BICD1: variants seen among roughly 807,000 people sequenced by gnomAD.
The protein encoded by BICD1 is BICD cargo adaptor 1.
BICD1 carries 35 observed loss-of-function variants against 92.5 expected under a neutral mutation model. That is an observed-to-expected ratio of 0.38 (90% CI 0.29 to 0.50). The LOEUF (loss-of-function observed/expected upper bound fraction) is 0.50. Among genes scored for constraint, BICD1 ranks in the 20% least tolerant of loss-of-function variants. The probability of loss-of-function intolerance (pLI) is 0.93; values close to 1 mark genes in which losing one functional copy is unlikely to be tolerated. For synonymous variants in BICD1, 429 were observed against 465.1 expected, an observed-to-expected ratio of 0.92 and a Z score of 1.00; for missense variants, 950 against 1,189.8, an observed-to-expected ratio of 0.80 and a Z score of 2.97.
intron 2 of BICD1, among the ~76,000 whole-genome samples, chr12:32,275,833 G>A (rs1304937116): frequency 2.6e-5 from 4 of 152,090 alleles, no homozygotes; most frequent in South Asian, 2.1e-4. Flanking sequence ...CGTCCTAATC[G>A]AGCTGAACAC....
In BICD1 at chr12:32,338,998, G is replaced by A. The variant is rs2136283033; in HGVS notation, c.2764+19G>A. The A allele has an allele frequency of 6.3e-7, 1 of 1,576,228 alleles. No homozygotes were observed. Among genetic ancestry groups the A allele is most frequent in the East Asian group, 2.3e-5 (1 of 42,562 alleles). ...CCACCAGGTAAACATTTTTTCCTTG[G>A]GTGCATGTGATGCAAATGATTAGTT... On this transcript the variant is annotated intron_variant, in intron 8 of 9. Transcript: ENST00000652176.
At chr12:32,352,595 C>T (rs1401902380) in intron 8 of BICD1, 1 of 152,154 alleles carries the variant, frequency 6.6e-6, no homozygotes, top group Non-Finnish European at 1.5e-5. Flanking sequence ...GTCATCTAGT[C>T]CATTCTTTTG....
At chr12:32,290,524 T>C (rs1369751612) in intron 2 of BICD1, among the ~76,000 whole-genome samples, 1 of 152,246 alleles carries the variant, frequency 6.6e-6, no homozygotes, top group Non-Finnish European at 1.5e-5. Flanking sequence ...AGTCATGCTC[T>C]GCTAATGTCT....
chr12:32,242,925 T>C (rs1481009040), intron 2 of BICD1, among the ~76,000 whole-genome samples: 1 of 152,154 alleles, frequency 6.6e-6, no homozygotes, highest in African/African-American at 2.4e-5. Context: ...TCTTGTTAGC[T>C]ATTAAGTGGG....
chr12:32,305,485 A>G (rs2136217620), intron 3 of BICD1, among the ~76,000 whole-genome samples: 1 of 151,406 alleles, frequency 6.6e-6, no homozygotes, highest in South Asian at 2.1e-4. Flanking sequence ...TTATATCACT[A>G]TAATACCTAA....
chr12:32,366,009 A>G (rs966463724), intron 8 of BICD1, among the ~76,000 whole-genome samples: 2 of 152,228 alleles, frequency 1.3e-5, no homozygotes, highest in African/African-American at 4.8e-5. Flanking sequence ...AAGATGCGCT[A>G]ATTAATAAGA....
intron 1 of BICD1, among the ~76,000 whole-genome samples, chr12:32,180,900 T>A (rs886921338): frequency 4.6e-5 from 7 of 151,996 alleles, no homozygotes; most frequent in African/African-American, 1.2e-4. Context: ...AACAGTTTGT[T>A]ACTGCTCTTT....
At chr12:32,139,594 C>T (rs1353387233) in intron 1 of BICD1, among the ~76,000 whole-genome samples, 1 of 152,334 alleles carries the variant, frequency 6.6e-6, no homozygotes, top group Non-Finnish European at 1.5e-5. Flanking sequence ...GACGGAGTCT[C>T]GCTCTGTCGC....
chr12:32,173,054 T>G (rs1287062664), intron 1 of BICD1, among the ~76,000 whole-genome samples: 2 of 140,900 alleles, frequency 1.4e-5, no homozygotes, highest in African/African-American at 2.4e-5. Context: ...AGTTTTTTTT[T>G]TTGTTTTTTT....
At chr12:32,107,942 G>C (rs75321778) in intron 1 of BICD1, 42,761 of 516,936 alleles carry the variant, frequency 0.083, 2,401 homozygotes, top group African/African-American at 0.19. Context: ...TGTGCCTGAG[G>C]ACCCACAATT....
intron 1 of BICD1, among the ~76,000 whole-genome samples, chr12:32,123,855 C>T (rs1942238575): frequency 6.7e-6 from 1 of 150,136 alleles, no homozygotes; most frequent in East Asian, 2.0e-4. Flanking sequence ...CCATCCTGGG[C>T]GACAGAGCAA....
chr12:32,377,762 C>A lies in BICD1; in HGVS notation c.*135C>A. The A allele has an allele frequency of 1.3e-6, 1 of 762,820 alleles. No homozygotes were observed. Among genetic ancestry groups the A allele is most frequent in the East Asian group, 2.7e-5 (1 of 36,938 alleles). The allele number at this position is 762,820 out of a possible 1,614,324, so 47.3% of individuals were successfully genotyped here. A position where few individuals can be genotyped will look rare whatever the true frequency, so the allele number is the denominator to read the frequency against. On this transcript the variant is annotated 3_prime_UTR_variant, in exon 10 of 10. Transcript: ENST00000652176. ...GATTAATGTCCATCGTTTTGGAAGA[C>A]GAGAGAAAGTTGAGAAGAACACGAA...
chr12:32,371,253 T>A (rs921009645), intron 9 of BICD1, among the ~76,000 whole-genome samples: 1 of 152,198 alleles, frequency 6.6e-6, no homozygotes, highest in African/African-American at 2.4e-5. Flanking sequence ...ATTCTACTAC[T>A]GTTCCCCATC....
At chr12:32,146,939 T>C (rs1241440279) in intron 1 of BICD1, among the ~76,000 whole-genome samples, 1 of 151,082 alleles carries the variant, frequency 6.6e-6, no homozygotes, top group Non-Finnish European at 1.5e-5. Flanking sequence ...TCCTCCTCCT[T>C]CTTCTTCCTT....
In BICD1 at chr12:32,206,529, C is replaced by A. The variant is rs553729253; in HGVS notation, c.214-9718C>A. 1.1e-3 allele frequency among the ~76,000 whole-genome samples: 175 copies of A among 152,270 alleles called. 3 individuals are homozygous for A. The highest frequency in any genetic ancestry group is 4.4e-3 in the South Asian group (21 of 4,816). On this transcript the variant is annotated intron_variant, in intron 1 of 9. Coordinates refer to ENST00000652176, the MANE Select transcript of BICD1 (RefSeq NM_001714.4). ...GCTGAGGTAGGAGAATCACTTGAAC[C>A]TGGGAGATGGAGGTTGCAGTGAGCC...
intron 9 of BICD1, among the ~76,000 whole-genome samples, chr12:32,369,728 G>C (rs1034511957): frequency 6.7e-6 from 1 of 148,624 alleles, no homozygotes; most frequent in African/African-American, 2.5e-5. Context: ...CTCCACCCCC[G>C]ACCTCTACCA....
chr12:32,345,371 A>G (rs138503561), intron 8 of BICD1, among the ~76,000 whole-genome samples: 1 of 152,268 alleles, frequency 6.6e-6, no homozygotes, highest in African/African-American at 2.4e-5. Flanking sequence ...ATATTTTTCA[A>G]TAGGTAATGG....
intron 1 of BICD1, among the ~76,000 whole-genome samples, chr12:32,191,238 C>T (rs1463598335): frequency 4.6e-5 from 7 of 151,910 alleles, no homozygotes; most frequent in Admixed American, 4.6e-4. Context: ...CAAAAAGAAG[C>T]TAAGGAGACA....
Position 32,313,072 on chromosome 12 carries a change from T to C in BICD1, c.1005+6950T>C, listed in dbSNP as rs1948420307. ...GTCTTTGATAAATAGCCTCTAACTT[T>C]ACATCTGCATAGAGTCAAACTAAGC... On this transcript the variant is annotated intron_variant, in intron 4 of 9. Transcript: ENST00000652176. This position sits in a 1 kb window ranked among gnomAD's most constrained non-coding sequence, Gnocchi z 4.2. 6.6e-6 allele frequency among the ~76,000 whole-genome samples: 1 copy of C among 152,058 alleles called. No homozygotes were observed. Among genetic ancestry groups the C allele is most frequent in the South Asian group, 2.1e-4 (1 of 4,818 alleles).
Sources: gnomAD v4.1 joint callset for allele counts (sites outside exome capture counted in the v4.1 genomes callset) on GRCh38, gnomAD v4.1.1 for gene constraint, Gnocchi (gnomAD v3.1) non-coding constraint, MANE v1.5 for transcripts, NCBI Gene and HGNC (gene_info 2026-07-23, HGNC 2026-07-21) for gene names.